CTNND2: variants seen among roughly 807,000 people sequenced by gnomAD.
CTNND2 encodes the protein catenin delta 2, also known as catenin delta-2.
Under a neutral mutation model 144.4 loss-of-function variants are expected in CTNND2, and 22 were observed. The observed-to-expected ratio is 0.15, with a 90% confidence interval of 0.11 to 0.22. CTNND2 has a LOEUF of 0.22. CTNND2 is among the 10% of genes least tolerant of loss of function. The probability of loss-of-function intolerance (pLI) is 1.00; values close to 1 mark genes in which losing one functional copy is unlikely to be tolerated. For synonymous variants in CTNND2, 751 were observed against 695.6 expected (o/e 1.08, Z -1.25); for missense variants, 1,353 against 1,618.8 (o/e 0.84, Z 2.82).
At chr5:11,503,423 C>T (rs1770722578) in intron 3 of CTNND2, among the ~76,000 whole-genome samples, 1 of 152,172 alleles carries the variant, frequency 6.6e-6, no homozygotes, top group Non-Finnish European at 1.5e-5. Context: ...GCCTATGTGA[C>T]CCTCAAATGT....
chr5:11,567,422 T>C (rs553584596), intron 2 of CTNND2, among the ~76,000 whole-genome samples: 6 of 152,226 alleles, frequency 3.9e-5, no homozygotes, highest in African/African-American at 1.4e-4. Context: ...TATTTCTTTA[T>C]GAATTGTTTT....
intron 2 of CTNND2, among the ~76,000 whole-genome samples, chr5:11,602,605 C>T (rs1201813689): frequency 2.0e-5 from 3 of 149,232 alleles, no homozygotes; most frequent in Admixed American, 6.8e-5. Flanking sequence ...AAGACAGAAA[C>T]CAAGAGACAG....
In CTNND2 at chr5:10,988,028, C is replaced by T. The variant is rs1428685248; in HGVS notation, c.3343+83G>A. The T allele has an allele frequency of 2.0e-5, 31 of 1,569,374 alleles. No individual in the cohort carries two copies. The highest frequency in any genetic ancestry group is 1.7e-4 in the South Asian group (14 of 84,142). On this transcript the variant is annotated intron_variant, in intron 20 of 21. Coordinates refer to ENST00000304623, the MANE Select transcript of CTNND2 (RefSeq NM_001332.4). The surrounding 1 kb of genome is among the most constrained non-coding windows in gnomAD (Gnocchi z 5.9). ...CTCAGCAGCCAAGCGCAGCCAGCCCCGTGAAGCCTGATGTCCCATATCTCT... is the reference window on the plus strand; with the variant it reads ...CTCAGCAGCCAAGCGCAGCCAGCCCTGTGAAGCCTGATGTCCCATATCTCT...
chr5:11,093,073 T>C (rs559570922), intron 15 of CTNND2, among the ~76,000 whole-genome samples: 1 of 152,376 alleles, frequency 6.6e-6, no homozygotes, highest in African/African-American at 2.4e-5. Flanking sequence ...GCTCATTAAA[T>C]ATTAATAGAT....
rs10068331 is a variant in CTNND2 at position 11,416,175 on chromosome 5, G to T, written c.288-4106C>A. Among the ~76,000 whole-genome samples the T allele has an allele frequency of 3.7e-3, 570 of 152,272 alleles. 2 individuals carry two copies. The highest frequency in any genetic ancestry group is 0.013 in the African/African-American group (552 of 41,564). Reference sequence around the variant, plus strand: ...ACAAATAAGGTGGTGCCGATTTTATGTGCAGGTGTTGATTTTATGTTTAGG... The same window carrying T: ...ACAAATAAGGTGGTGCCGATTTTATTTGCAGGTGTTGATTTTATGTTTAGG... On this transcript the variant is annotated intron_variant, in intron 3 of 21. Coordinates refer to ENST00000304623, the MANE Select transcript of CTNND2 (RefSeq NM_001332.4).
chr5:11,785,072 A>G (rs1790756300), intron 1 of CTNND2, among the ~76,000 whole-genome samples: 1 of 152,250 alleles, frequency 6.6e-6, no homozygotes, highest in South Asian at 2.1e-4. Flanking sequence ...ATAAGTGCAT[A>G]CAATGTAAAA....
intron 16 of CTNND2, 51 bp downstream of exon 16, chr5:11,082,645 G>A (rs368432225): frequency 1.0e-4 from 167 of 1,596,294 alleles, no homozygotes; most frequent in Non-Finnish European, 1.4e-4. Context: ...TACCCCTAGA[G>A]AAAATATTTT....
intron 2 of CTNND2, among the ~76,000 whole-genome samples, chr5:11,701,135 A>G (rs1389663871): frequency 6.6e-6 from 1 of 152,218 alleles, no homozygotes; most frequent in Non-Finnish European, 1.5e-5. Context: ...GGCTTTTAAC[A>G]AAATCATGGG....
intron 18 of CTNND2, among the ~76,000 whole-genome samples, chr5:11,000,955 G>C (rs1739897017): frequency 6.6e-6 from 1 of 152,170 alleles, no homozygotes; most frequent in Admixed American, 6.5e-5. Flanking sequence ...GGGTTTCTTT[G>C]CATAGGTGTC....
intron 2 of CTNND2, among the ~76,000 whole-genome samples, chr5:11,577,822 G>T (rs924415173): frequency 6.6e-6 from 1 of 152,160 alleles, no homozygotes; most frequent in Non-Finnish European, 1.5e-5. Context: ...TGGAACTCAT[G>T]TGTTTCACTG....
intron 3 of CTNND2, among the ~76,000 whole-genome samples, chr5:11,422,517 C>T (rs1282896174): frequency 6.6e-6 from 1 of 152,194 alleles, no homozygotes; most frequent in Admixed American, 6.5e-5. Context: ...GCAACTGACA[C>T]TGCAATGTGG....
intron 11 of CTNND2, among the ~76,000 whole-genome samples, chr5:11,173,452 A>G (rs1760140391): frequency 6.6e-6 from 1 of 152,218 alleles, no homozygotes; most frequent in East Asian, 1.9e-4. Context: ...TGGATTCTGT[A>G]GAGAATCCCA....
chr5:11,003,209 T>G (rs1003329439), intron 18 of CTNND2, among the ~76,000 whole-genome samples: 1 of 152,012 alleles, frequency 6.6e-6, no homozygotes, highest in African/African-American at 2.4e-5. Context: ...ACTTGAGATA[T>G]AAAGAAAAGT....
At chr5:11,093,735 A>G (rs747509069) in intron 15 of CTNND2, among the ~76,000 whole-genome samples, 25 of 152,226 alleles carry the variant, frequency 1.6e-4, no homozygotes, top group Non-Finnish European at 2.8e-4. Flanking sequence ...AACAGTTGCT[A>G]TAAAAATGCA....
At chr5:11,359,472 C>G (rs1206089785) in intron 8 of CTNND2, among the ~76,000 whole-genome samples, 1 of 152,150 alleles carries the variant, frequency 6.6e-6, no homozygotes, top group Non-Finnish European at 1.5e-5. Flanking sequence ...GCTGTCATGT[C>G]TGGTGATGGG....
At chr5:11,516,844 T>G (rs1243081764) in intron 3 of CTNND2, among the ~76,000 whole-genome samples, 1 of 152,102 alleles carries the variant, frequency 6.6e-6, no homozygotes, top group African/African-American at 2.4e-5. Flanking sequence ...AAAAATTCAT[T>G]TGGAAATGCA....
At chr5:11,694,394 C>A (rs1240323317) in intron 2 of CTNND2, among the ~76,000 whole-genome samples, 1 of 150,058 alleles carries the variant, frequency 6.7e-6, no homozygotes, top group Non-Finnish European at 1.5e-5. Flanking sequence ...GAGATTGCAG[C>A]ACTGCACCTC....
At chr5:11,764,098 G>C (rs1234354220) in intron 1 of CTNND2, among the ~76,000 whole-genome samples, 1 of 152,122 alleles carries the variant, frequency 6.6e-6, no homozygotes, top group Admixed American at 6.5e-5. Flanking sequence ...ATGGAAGAGG[G>C]AGGCAGGAAA....
intron 10 of CTNND2, among the ~76,000 whole-genome samples, chr5:11,219,284 A>G (rs1372401504): frequency 2.0e-5 from 3 of 152,228 alleles, no homozygotes; most frequent in African/African-American, 7.2e-5. Context: ...TGGAGTTAAA[A>G]TCTTTCTTCA....
Sources: allele counts gnomAD v4.1 joint callset (sites outside exome capture counted in the v4.1 genomes callset), GRCh38; gene constraint gnomAD v4.1.1; non-coding constraint Gnocchi (gnomAD v3.1); transcripts MANE v1.5; gene names NCBI Gene and HGNC (gene_info 2026-07-23, HGNC 2026-07-21).